The following FOXP1 variants were observed in gnomAD, a reference collection of about 807,000 sequenced individuals.
FOXP1 encodes the protein forkhead box P1.
Under a neutral mutation model 98.2 loss-of-function variants are expected in FOXP1, and 15 were observed. The observed-to-expected ratio is 0.15, with a 90% CI of 0.10 to 0.24. FOXP1 has a LOEUF of 0.24. FOXP1 is among the 10% of genes least tolerant of loss of function. The pLI, the probability that FOXP1 is intolerant of heterozygous loss-of-function variation, is 1.00. For missense variants in FOXP1, 633 were observed against 848.5 expected (o/e 0.75, Z 3.15); for synonymous variants, 371 against 314.5 (o/e 1.18, Z -1.90).
chr3:71,537,282 G>A (rs1469589505), intron 2 of FOXP1, among the ~76,000 whole-genome samples: 1 of 152,220 alleles, frequency 6.6e-6, no homozygotes, highest in Non-Finnish European at 1.5e-5. Context: ...GGGTCAAAAG[G>A]TGGCCGAGGC....
intron 6 of FOXP1, among the ~76,000 whole-genome samples, chr3:71,176,957 G>A: frequency 6.6e-6 from 1 of 152,020 alleles, no homozygotes; most frequent in Non-Finnish European, 1.5e-5. Context: ...CAGCTACTAA[G>A]GAGTTTGAGG....
Position 70,977,155 on chromosome 3 carries a change from G to A in FOXP1, c.1429-113C>T, listed in dbSNP as rs2037736781. 1.3e-5 allele frequency: 10 copies of A among 764,514 alleles called. No homozygotes were observed. In the South Asian group the frequency reaches 1.3e-4, roughly 10 times the overall value. 47.4% of individuals were successfully genotyped at this position (764,514 alleles called of 1,614,324 possible). A position where few individuals can be genotyped will look rare whatever the true frequency, so the allele number is the denominator to read the frequency against. On this transcript the variant is annotated intron_variant, in intron 16 of 20. Transcript: ENST00000649528. ...TGATTCAGAGCTAAATCCTGAGAAAGGTTTTACAAAATGATCTAAGATTAA... is the reference window on the plus strand; with the variant it reads ...TGATTCAGAGCTAAATCCTGAGAAAAGTTTTACAAAATGATCTAAGATTAA...
chr3:71,029,645 C>T (rs1039273829), intron 11 of FOXP1, among the ~76,000 whole-genome samples: 5 of 152,186 alleles, frequency 3.3e-5, no homozygotes, highest in African/African-American at 1.2e-4. Flanking sequence ...CCCGCCTCGG[C>T]CTCCCAAAGT....
chr3:71,372,108 G>T (rs1205594716), intron 3 of FOXP1, among the ~76,000 whole-genome samples: 2 of 151,674 alleles, frequency 1.3e-5, no homozygotes, highest in African/African-American at 4.8e-5. Flanking sequence ...GGCCTCCAGG[G>T]TTCAAGCGAT....
At chr3:71,551,002 G>A (rs577547634) in intron 2 of FOXP1, among the ~76,000 whole-genome samples, 11 of 152,218 alleles carry the variant, frequency 7.2e-5, no homozygotes, top group Admixed American at 2.0e-4. Flanking sequence ...TATATAACTA[G>A]AGACACAAAA....
intron 6 of FOXP1, 174 bp downstream of exon 6, chr3:71,198,028 C>G: frequency 1.7e-5 from 28 of 1,614,256 alleles, no homozygotes; most frequent in Non-Finnish European, 2.2e-5. Context: ...CTTAAGCCAA[C>G]TGCTGGGACT....
chr3:71,408,085 C>T (rs1443892902), intron 3 of FOXP1, among the ~76,000 whole-genome samples: 3 of 152,198 alleles, frequency 2.0e-5, no homozygotes, highest in African/African-American at 7.2e-5. Context: ...TAAAGTTATT[C>T]CGGAGGCTCC....
At position 71,000,794 on chromosome 3, in the gene FOXP1, A is replaced by AAAAAT. The variant is rs59993750; in HGVS notation, c.1062+173_1062+177dup. On this transcript the variant is annotated intron_variant, in intron 13 of 20. Transcript: ENST00000649528. ...GGGGCTGAACCTGCCCAAAGAGGTA[A>AAAAAT]AAAATAAAATAAAATAAAATAAAAT... Among the ~76,000 whole-genome samples the AAAAAT allele has an allele frequency of 0.51, 62,144 of 121,944 alleles. 17,633 individuals are homozygous for AAAAAT. Among genetic ancestry groups the AAAAAT allele is most frequent in the Non-Finnish European group, 0.61 (36,737 of 60,564 alleles). 80.0% of individuals were successfully genotyped at this position (121,944 alleles called of 152,430 possible). A position where few individuals can be genotyped will look rare whatever the true frequency, so the allele number is the denominator to read the frequency against.
chr3:71,240,118 T>C (rs1281764731), intron 5 of FOXP1, among the ~76,000 whole-genome samples: 1 of 152,242 alleles, frequency 6.6e-6, no homozygotes, highest in Non-Finnish European at 1.5e-5. Flanking sequence ...CTTTTTTCCA[T>C]TTGCTAAGGA....
At chr3:71,294,965 A>G (rs548871173) in intron 5 of FOXP1, among the ~76,000 whole-genome samples, 1 of 152,350 alleles carries the variant, frequency 6.6e-6, no homozygotes, top group South Asian at 2.1e-4. Flanking sequence ...TGCCCAGACA[A>G]GCTACATTGG....
chr3:71,161,532 C>T (rs1448988506), intron 6 of FOXP1, among the ~76,000 whole-genome samples: 1 of 152,150 alleles, frequency 6.6e-6, no homozygotes, highest in Non-Finnish European at 1.5e-5. Context: ...ATTCTACTGC[C>T]CAAAGCAAGT....
chr3:71,582,216 G>C (rs1211685497), intron 1 of FOXP1: 2 of 985,170 alleles, frequency 2.0e-6, no homozygotes, highest in Non-Finnish European at 2.4e-6. Flanking sequence ...ACAACAGGTG[G>C]GGAGGGGGGC....
chr3:71,188,122 G>A (rs1471346710), intron 6 of FOXP1, among the ~76,000 whole-genome samples: 1 of 152,114 alleles, frequency 6.6e-6, no homozygotes, highest in Non-Finnish European at 1.5e-5. Context: ...GCTCTGAGAG[G>A]CATGACTCTG....
chr3:71,520,060 G>A (rs563027305), intron 2 of FOXP1, among the ~76,000 whole-genome samples: 37 of 152,194 alleles, frequency 2.4e-4, no homozygotes, highest in Non-Finnish European at 4.7e-4. Flanking sequence ...CAGACAGAAA[G>A]GAAGAAAGAA....
chr3:71,061,621 A>T (rs2051492470), intron 7 of FOXP1, among the ~76,000 whole-genome samples: 1 of 152,186 alleles, frequency 6.6e-6, no homozygotes, highest in Admixed American at 6.5e-5. Context: ...GACACAATTT[A>T]TGTATTTATT....
At chr3:71,019,833 TC>T (rs79746889) in intron 11 of FOXP1, among the ~76,000 whole-genome samples, 40,104 of 147,196 alleles carry the variant, frequency 0.27, 8,023 homozygotes, top group African/African-American at 0.57. Context: ...CGAGACACGG[TC>T]CCCCCCCCAA....
rs531532534 is a variant in FOXP1, at chr3:71,207,423, T to G, written c.-11-9031A>C. Among the ~76,000 whole-genome samples, 421 of 152,326 alleles carry G rather than the reference T, an allele frequency of 2.8e-3. 1 individual carries two copies. The highest frequency in any genetic ancestry group is 0.017 in the Middle Eastern group (5 of 294). Reference sequence around the variant, plus strand: ...CAATATGTTCACAGCATCATGGTAATGTAGTGAATGTGGGCCATCAGAATT... The same window carrying G: ...CAATATGTTCACAGCATCATGGTAAGGTAGTGAATGTGGGCCATCAGAATT... On this transcript the variant is annotated intron_variant, in intron 5 of 20. Transcript: ENST00000649528.
intron 5 of FOXP1, among the ~76,000 whole-genome samples, chr3:71,205,312 C>T (rs1192642331): frequency 6.6e-6 from 1 of 152,108 alleles, no homozygotes; most frequent in East Asian, 1.9e-4. Context: ...GAACATTATC[C>T]ATCATAAATA....
chr3:71,266,914 T>C (rs909584281), intron 5 of FOXP1, among the ~76,000 whole-genome samples: 1 of 152,250 alleles, frequency 6.6e-6, no homozygotes, highest in Non-Finnish European at 1.5e-5. Context: ...ATTCTTTTTA[T>C]GGCTGCAGTT....
Sources: gnomAD v4.1 joint callset for allele counts (sites outside exome capture counted in the v4.1 genomes callset) on GRCh38, gnomAD v4.1.1 for gene constraint, MANE v1.5 for transcripts, NCBI Gene and HGNC (gene_info 2026-07-23, HGNC 2026-07-21) for gene names.